The following XPO4 variants were observed in gnomAD, a reference collection of about 807,000 sequenced individuals.
XPO4 encodes exportin 4.
A neutral mutation model predicts 143.0 loss-of-function variants in XPO4; 39 were observed. The ratio of observed to expected loss-of-function variants is 0.27; its 90% CI spans 0.21 to 0.36. The LOEUF (loss-of-function observed/expected upper bound fraction) is 0.36, where lower values mean the gene tolerates loss of function less well. Among genes scored for constraint, XPO4 ranks in the 10% least tolerant of loss-of-function variants. The probability of loss-of-function intolerance (pLI) is 1.00; values close to 1 mark genes in which losing one functional copy is unlikely to be tolerated. For synonymous variants in XPO4, 439 were observed against 474.0 expected, an observed-to-expected ratio of 0.93 and a Z score of 0.96; for missense variants, 907 against 1,348.0, an observed-to-expected ratio of 0.67 and a Z score of 5.12.
intron 4 of XPO4, among the ~76,000 whole-genome samples, chr13:20,847,829 TA>T (rs1254418664): frequency 7.9e-5 from 12 of 152,202 alleles, no homozygotes; most frequent in African/African-American, 2.2e-4. Flanking sequence ...ATACAAATCT[TA>T]AGACTTCTAA....
chr13:20,857,680 C>T (rs372590903), intron 3 of XPO4: 1 of 260,888 alleles, frequency 3.8e-6, no homozygotes, highest in Non-Finnish European at 6.0e-6. Context: ...TGAGCTGAGA[C>T]TGCGCCACTG....
chr13:20,792,505 G>A (rs1566558924), intron 18 of XPO4, among the ~76,000 whole-genome samples: 1 of 152,136 alleles, frequency 6.6e-6, no homozygotes, highest in African/African-American at 2.4e-5. Context: ...GGAGGCAGAG[G>A]TTGCAGTGAG....
At chr13:20,894,436 T>C (rs1455006614) in intron 1 of XPO4, among the ~76,000 whole-genome samples, 1 of 152,252 alleles carries the variant, frequency 6.6e-6, no homozygotes, top group East Asian at 1.9e-4. Flanking sequence ...TTTATAAGTC[T>C]ATAAATGCAA....
At chr13:20,901,999 AT>A (rs1291059433) in intron 1 of XPO4, 1 of 848,994 alleles carries the variant, frequency 1.2e-6, no homozygotes, top group East Asian at 1.2e-4. Context: ...CAAACTGCTT[AT>A]TGTAGTGTAA....
rs1282639783 is a variant in XPO4, at chr13:20,851,722, AAAAAAAAAG to A, written c.456+3896_456+3904del. ...AAGACCCGGTCTCACAAAAAAAAAA[AAAAAAAAAG>A]AAAGAAAGAAAGAAAGAAAGACAGA... is the stretch of plus-strand genomic sequence containing the variant. On this transcript the variant is annotated intron_variant, in intron 4 of 22. Transcript: ENST00000255305. The A allele has an allele frequency of 1.0e-3, 990 of 954,876 alleles. 6 individuals are homozygous for A. In the East Asian group the frequency reaches 0.032, roughly 31 times the overall value. The allele number at this position is 954,876 out of a possible 1,614,324, so 59.2% of individuals were successfully genotyped here.
intron 1 of XPO4, among the ~76,000 whole-genome samples, chr13:20,882,172 G>A (rs1332643086): frequency 6.6e-6 from 1 of 150,982 alleles, no homozygotes; most frequent in Non-Finnish European, 1.5e-5. Flanking sequence ...ACAGATATGG[G>A]AAATTATTAC....
chr13:20,800,788 A>C, intron 14 of XPO4, 43 bp downstream of exon 14: 1 of 1,596,772 alleles, frequency 6.3e-7, no homozygotes, highest in African/African-American at 1.4e-5. Flanking sequence ...TATAACTGCT[A>C]TCATCATAAA....
At chr13:20,799,957 A>C (rs1290946357) in intron 15 of XPO4, among the ~76,000 whole-genome samples, 199 bp downstream of exon 15, 1 of 152,234 alleles carries the variant, frequency 6.6e-6, no homozygotes, top group Non-Finnish European at 1.5e-5. Flanking sequence ...ATGCTCAATT[A>C]TAAGATGGGA....
chr13:20,891,169 T>C (rs1354488958), intron 1 of XPO4, among the ~76,000 whole-genome samples: 1 of 143,672 alleles, frequency 7.0e-6, no homozygotes, highest in African/African-American at 2.6e-5. Context: ...GGCCACACTC[T>C]AGACTTGTGG....
At chr13:20,857,691 C>T (rs1295220967) in intron 3 of XPO4, 3 of 317,492 alleles carry the variant, frequency 9.4e-6, no homozygotes, top group Non-Finnish European at 1.4e-5. Context: ...TGCGCCACTG[C>T]ACTCCAGCCT....
intron 4 of XPO4, chr13:20,851,955 T>G (rs1052436854): frequency 3.2e-5 from 32 of 985,230 alleles, no homozygotes; most frequent in Admixed American, 6.2e-5. Flanking sequence ...GACTAGTTTT[T>G]GTGCTGGGTC....
chr13:20,862,646 C>G, intron 3 of XPO4, 71 bp downstream of exon 3: 1 of 1,583,940 alleles, frequency 6.3e-7, no homozygotes, highest in Non-Finnish European at 8.6e-7. Flanking sequence ...AAAATGCAAA[C>G]AAAAAAAGCT....
At chr13:20,832,059 C>T (rs2059859897) in intron 6 of XPO4, among the ~76,000 whole-genome samples, 1 of 152,086 alleles carries the variant, frequency 6.6e-6, no homozygotes, top group African/African-American at 2.4e-5. Context: ...TAAAATTCTC[C>T]ACTTAGGAAA....
intron 9 of XPO4, among the ~76,000 whole-genome samples, chr13:20,816,565 C>T (rs757492190): frequency 3.9e-5 from 6 of 152,302 alleles, no homozygotes; most frequent in Middle Eastern, 6.8e-3. Context: ...AGTATTGCAG[C>T]TGTTAGAAAA....
At chr13:20,868,725 G>C in intron 1 of XPO4, 24 bp from the exon 2 acceptor site, 2 of 1,592,948 alleles carry the variant, frequency 1.3e-6, no homozygotes, top group Non-Finnish European at 1.7e-6. Flanking sequence ...GACAAGAACA[G>C]ATACACTTAT....
rs184588731 is a variant in XPO4, at chr13:20,782,713, G to A, written c.*1009C>T. 6.6e-5 allele frequency: 10 copies of A among 152,634 alleles called. No individual in the cohort carries two copies. The highest frequency in any genetic ancestry group is 1.2e-4 in the African/African-American group (5 of 41,520). 9.5% of individuals were successfully genotyped at this position (152,634 alleles called of 1,614,324 possible). A position where few individuals can be genotyped will look rare whatever the true frequency, so the allele number is the denominator to read the frequency against. Reference sequence around the variant, plus strand: ...CACTGATAAACCTACATAAATACACGATCGAAAGGGGCAACAGGTTCATAG... The same window carrying A: ...CACTGATAAACCTACATAAATACACAATCGAAAGGGGCAACAGGTTCATAG... On this transcript the variant is annotated 3_prime_UTR_variant, in exon 23 of 23. Coordinates refer to ENST00000255305, the MANE Select transcript of XPO4 (RefSeq NM_022459.5).
At chr13:20,884,140 G>A (rs763038920) in intron 1 of XPO4, among the ~76,000 whole-genome samples, 43 of 152,104 alleles carry the variant, frequency 2.8e-4, no homozygotes, top group Non-Finnish European at 4.9e-4. Context: ...TTTGGGAGGC[G>A]GAGGCAGGAG....
intron 1 of XPO4, among the ~76,000 whole-genome samples, chr13:20,877,395 G>C (rs2060363485): frequency 6.6e-6 from 1 of 152,184 alleles, no homozygotes; most frequent in African/African-American, 2.4e-5. Flanking sequence ...TGGCCAATAA[G>C]ATATTAGCAA....
At chr13:20,808,849 C>T (rs891614658) in intron 11 of XPO4, among the ~76,000 whole-genome samples, 1 of 152,108 alleles carries the variant, frequency 6.6e-6, no homozygotes, top group Non-Finnish European at 1.5e-5. Flanking sequence ...TGATATGGGT[C>T]AAATCATTTC....
Sources: allele counts gnomAD v4.1 joint callset (sites outside exome capture counted in the v4.1 genomes callset), GRCh38; gene constraint gnomAD v4.1.1; transcripts MANE v1.5; gene names NCBI Gene and HGNC (gene_info 2026-07-23, HGNC 2026-07-21).